The following CDS2 variants were observed in gnomAD, a reference collection of about 807,000 sequenced individuals.
CDS2 encodes the protein phosphatidate cytidylyltransferase 2.
Under a neutral mutation model 59.0 loss-of-function variants are expected in CDS2, and 47 were observed. The ratio of observed to expected loss-of-function variants is 0.80; its 90% CI spans 0.63 to 1.02. The LOEUF (loss-of-function observed/expected upper bound fraction) is 1.02, where lower values mean the gene tolerates loss of function less well. CDS2 is among the 50% of genes least tolerant of loss of function. The probability of loss-of-function intolerance (pLI) is 0.00; values close to 1 mark genes in which losing one functional copy is unlikely to be tolerated. For synonymous variants in CDS2, 207 were observed against 206.4 expected, an observed-to-expected ratio of 1.00 and a Z score of -0.02; for missense variants, 356 against 558.9, an observed-to-expected ratio of 0.64 and a Z score of 3.66.
chr20:5,189,007 C>T, intron 10 of CDS2, 60 bp from the exon 11 acceptor site: 1 of 1,606,150 alleles, frequency 6.2e-7, no homozygotes, highest in Non-Finnish European at 8.5e-7. Context: ...GAGTTGACAA[C>T]TCAAACCGTA....
rs1483293267 is a variant in CDS2 at position 5,176,667 on chromosome 20, A to C, written c.311A>C (p.Lys104Thr). The change falls in exon 4 of 13, where the codon AAG (lysine) becomes ACG (threonine). Residue 104 changes from lysine (K) to threonine (T), a missense_variant. By Grantham distance (78) the Lys-to-Thr change is moderately conservative. This residue lies in a region of CDS2 where 107 missense variants were observed against 129.7 expected (regional missense o/e 0.82). Coordinates refer to ENST00000460006, the MANE Select transcript of CDS2 (RefSeq NM_003818.4). ...CCGCAGGTGATGTGCGTTCAGATTAAGTGTTTCCATGAGATAATCACTATT... is the reference window on the plus strand; with the variant it reads ...CCGCAGGTGATGTGCGTTCAGATTACGTGTTTCCATGAGATAATCACTATT... ...LMIIVMCVQIKCFHEIITIGY... is the reference protein window; with the variant it reads ...LMIIVMCVQITCFHEIITIGY... 1 of 1,613,828 alleles carries C rather than the reference A, an allele frequency of 6.2e-7. No individual in the cohort carries two copies. The highest frequency in any genetic ancestry group is 1.1e-5 in the South Asian group (1 of 91,082).
Position 5,186,638 on chromosome 20 carries a change from G to T in CDS2, c.829-49G>T, listed in dbSNP as rs1023582634. 4.4e-6 allele frequency: 7 copies of T among 1,605,298 alleles called. No homozygotes were observed. The Admixed American group carries it at 1.0e-4, about 23-fold the overall frequency. Reference sequence around the variant, plus strand: ...AAACCAGGTGCCTGTGTCTGGGCTGGATGGTTGGAACTTACTTCCTTGCCG... The same window carrying T: ...AAACCAGGTGCCTGTGTCTGGGCTGTATGGTTGGAACTTACTTCCTTGCCG... On this transcript the variant is annotated intron_variant, in intron 9 of 12. Coordinates refer to ENST00000460006, the MANE Select transcript of CDS2 (RefSeq NM_003818.4).
chr20:5,135,964 T>C (rs1214147732), intron 1 of CDS2, among the ~76,000 whole-genome samples: 1 of 152,190 alleles, frequency 6.6e-6, no homozygotes, highest in Non-Finnish European at 1.5e-5. Context: ...TTGTTGTCTT[T>C]GGCAGAAGCT....
At chr20:5,134,015 G>A (rs985361036) in intron 1 of CDS2, among the ~76,000 whole-genome samples, 2 of 152,078 alleles carry the variant, frequency 1.3e-5, no homozygotes, top group Non-Finnish European at 2.9e-5. Context: ...TGTTAAAAAG[G>A]TCTCAGAGTA....
At chr20:5,143,614 C>CTTT (rs1408395849) in intron 1 of CDS2, among the ~76,000 whole-genome samples, 4 of 143,154 alleles carry the variant, frequency 2.8e-5, no homozygotes, top group East Asian at 4.1e-4. Flanking sequence ...TTTTCTTTTT[C>CTTT]TTCTTCTTCT....
rs1048870964 is a variant in CDS2, at chr20:5,163,864, C to T, written c.58-9659C>T. On this transcript the variant is annotated intron_variant, in intron 1 of 12. Transcript: ENST00000460006. The stretch of plus-strand genomic sequence containing the variant: ...GGAAAGCAGTGGTGCAAACTCGGCT[C>T]ACTGCAGCCTCTACCTCCCAGGTTC... Among the ~76,000 whole-genome samples the T allele has an allele frequency of 4.0e-5, 6 of 150,156 alleles. No individual in the cohort carries two copies. In the South Asian group the frequency reaches 1.3e-3, roughly 32 times the overall value.
intron 1 of CDS2, among the ~76,000 whole-genome samples, chr20:5,165,428 G>A (rs1299551146): frequency 6.6e-6 from 1 of 152,250 alleles, no homozygotes; most frequent in Non-Finnish European, 1.5e-5. Flanking sequence ...TGCCTCTGCA[G>A]ATGTGGTTCT....
At chr20:5,179,997 C>T (rs2091021932) in intron 5 of CDS2, among the ~76,000 whole-genome samples, 1 of 152,190 alleles carries the variant, frequency 6.6e-6, no homozygotes, top group African/African-American at 2.4e-5. Context: ...AATATAAAAT[C>T]TGCAAAGGGG....
In CDS2 at chr20:5,189,105, C is replaced by T. The variant is rs150695888; in HGVS notation, c.1020C>T (p.Ile340=). 1.2e-4 allele frequency: 191 copies of T among 1,614,164 alleles called. No homozygotes were observed. The African/African-American group carries it at 1.8e-3, about 15-fold the overall frequency. Residue 340 remains isoleucine (I), a synonymous_variant, in exon 11 of 13, where the codon ATC becomes ATT. Coordinates refer to ENST00000460006, the MANE Select transcript of CDS2 (RefSeq NM_003818.4). ...VRMYPFQIHS[I]ALSTFASLIG... ...TGTACCCCTTCCAGATTCACAGCAT[C>T]GCTCTCTCCACCTTTGCCTCGCTCA...
chr20:5,133,174 C>A (rs1186728596), intron 1 of CDS2, among the ~76,000 whole-genome samples: 3 of 150,828 alleles, frequency 2.0e-5, no homozygotes, highest in Non-Finnish European at 3.0e-5. Flanking sequence ...GACTTCATCT[C>A]AAAAAAAAAG....
chr20:5,147,218 T>C (rs1348607642), intron 1 of CDS2, among the ~76,000 whole-genome samples: 13 of 152,188 alleles, frequency 8.5e-5, no homozygotes, highest in Non-Finnish European at 5.9e-5. Flanking sequence ...TGAAGATGCC[T>C]GTTAAAAATG....
chr20:5,166,797 T>G (rs1304701485), intron 1 of CDS2, among the ~76,000 whole-genome samples: 1 of 152,186 alleles, frequency 6.6e-6, no homozygotes, highest in Non-Finnish European at 1.5e-5. Context: ...GGAGAGCTGC[T>G]TCAGTGGAAC....
At chr20:5,181,624 A>T (rs1053368410) in intron 5 of CDS2, among the ~76,000 whole-genome samples, 2 of 152,206 alleles carry the variant, frequency 1.3e-5, no homozygotes, top group Non-Finnish European at 2.9e-5. Context: ...TGCATCGTTT[A>T]ACCATGGGCT....
intron 1 of CDS2, among the ~76,000 whole-genome samples, chr20:5,143,289 C>T (rs1010285718): frequency 2.0e-5 from 3 of 152,146 alleles, no homozygotes; most frequent in Admixed American, 6.5e-5. Context: ...AAAACTTTGA[C>T]GGTTGGCAAG....
At chr20:5,186,557 C>T in intron 9 of CDS2, 130 bp from the exon 10 acceptor site, 1 of 794,464 alleles carries the variant, frequency 1.3e-6, no homozygotes, top group East Asian at 2.5e-5. Context: ...AAACATGAAC[C>T]TCTGAGCACA....
chr20:5,150,155 T>C (rs1284552759), intron 1 of CDS2, among the ~76,000 whole-genome samples: 1 of 152,244 alleles, frequency 6.6e-6, no homozygotes, highest in African/African-American at 2.4e-5. Context: ...TTCAAAGTGC[T>C]GCCACTGTGA....
intron 1 of CDS2, among the ~76,000 whole-genome samples, 189 bp from the exon 2 acceptor site, chr20:5,173,334 G>A (rs1221150875): frequency 3.3e-5 from 5 of 152,230 alleles, no homozygotes; most frequent in Non-Finnish European, 7.3e-5. Flanking sequence ...AGTGTGGCTG[G>A]CCACCTTGGC....
At chr20:5,129,943 GTA>G (rs1265073138) in intron 1 of CDS2, among the ~76,000 whole-genome samples, 1 of 151,960 alleles carries the variant, frequency 6.6e-6, no homozygotes, top group East Asian at 1.9e-4. Context: ...GTCTTTGAAT[GTA>G]TATAGTAAAC....
At chr20:5,139,501 AAAG>A (rs1484532843) in intron 1 of CDS2, among the ~76,000 whole-genome samples, 33 of 152,198 alleles carry the variant, frequency 2.2e-4, no homozygotes, top group Admixed American at 2.2e-3. Flanking sequence ...TGCCATTTGC[AAAG>A]AAGGATAGTC....
Sources: allele counts gnomAD v4.1 joint callset (sites outside exome capture counted in the v4.1 genomes callset), GRCh38; gene constraint gnomAD v4.1.1; regional missense constraint gnomAD v4.1.1; transcripts MANE v1.5; gene names NCBI Gene and HGNC (gene_info 2026-07-23, HGNC 2026-07-21).